The following ZNF566 variants were observed in gnomAD, a reference collection of about 807,000 sequenced individuals.
ZNF566 encodes the protein zinc finger protein 566.
Under a neutral mutation model 32.8 loss-of-function variants are expected in ZNF566, and 27 were observed. The ratio of observed to expected loss-of-function variants is 0.82; its 90% confidence interval spans 0.61 to 1.14. The LOEUF (loss-of-function observed/expected upper bound fraction) is 1.14, where lower values mean the gene tolerates loss of function less well. ZNF566 is among the 50% of genes most tolerant of loss of function. The probability of loss-of-function intolerance (pLI) is 0.00; values close to 1 mark genes in which losing one functional copy is unlikely to be tolerated. For synonymous variants in ZNF566, 154 were observed against 159.5 expected, an observed-to-expected ratio of 0.97 and a Z score of 0.26; for missense variants, 402 against 490.4, an observed-to-expected ratio of 0.82 and a Z score of 1.70.
At chr19:36,455,900 A>G (rs2912435) in intron 4 of ZNF566, among the ~76,000 whole-genome samples, 39,240 of 151,546 alleles carry the variant, frequency 0.26, 5,176 homozygotes, top group South Asian at 0.37. Context: ...TTAGCCAGGC[A>G]TGGTGGTGGG....
Position 36,489,526 on chromosome 19 carries a change from G to A in ZNF566, c.-100C>T, listed in dbSNP as rs1238900349. 1 of 349,428 alleles carries A rather than the reference G, an allele frequency of 2.9e-6. No individual in the cohort carries two copies. The highest frequency in any genetic ancestry group is 5.6e-6 in the Non-Finnish European group (1 of 177,150). The allele number at this position is 349,428 out of a possible 1,614,324, so 21.6% of individuals were successfully genotyped here. A position where few individuals can be genotyped will look rare whatever the true frequency, so the allele number is the denominator to read the frequency against. The stretch of plus-strand genomic sequence containing the variant: ...CAGAACCCTCCCCGGCACTGGGGTA[G>A]TTGCTGGTAAAGCCCTGAGGGTCCC... On this transcript the variant is annotated 5_prime_UTR_variant, in exon 1 of 5. Transcript: ENST00000452939.
At chr19:36,473,602 A>T (rs1476335856) in intron 2 of ZNF566, 144 bp from the exon 3 acceptor site, 16 of 642,726 alleles carry the variant, frequency 2.5e-5, no homozygotes, top group Non-Finnish European at 3.9e-5. Flanking sequence ...GACTGTAAAC[A>T]AATAAGCACA....
At chr19:36,468,682 G>A (rs2033687851) in intron 4 of ZNF566, among the ~76,000 whole-genome samples, 1 of 151,700 alleles carries the variant, frequency 6.6e-6, no homozygotes, top group Admixed American at 6.6e-5. Context: ...TGGAGCCTGA[G>A]TGGTGGGATC....
chr19:36,457,646 C>A (rs139926756), intron 4 of ZNF566, among the ~76,000 whole-genome samples: 1 of 152,190 alleles, frequency 6.6e-6, no homozygotes, highest in Non-Finnish European at 1.5e-5. Context: ...AATCCCAGCA[C>A]TTTGGGAGGC....
intron 1 of ZNF566, among the ~76,000 whole-genome samples, chr19:36,488,317 G>C (rs2967474): frequency 6.6e-6 from 1 of 151,882 alleles, no homozygotes; most frequent in Non-Finnish European, 1.5e-5. Flanking sequence ...CTGGTCTCCA[G>C]CTCCTGGCCT....
At chr19:36,450,442 G>C (rs2033125167) in intron 4 of ZNF566, among the ~76,000 whole-genome samples, 1 of 152,158 alleles carries the variant, frequency 6.6e-6, no homozygotes, top group Non-Finnish European at 1.5e-5. Context: ...TCAGGAGTTT[G>C]AGATCAGCCT....
In ZNF566 at chr19:36,449,720, C is replaced by G. The variant is rs117540494; in HGVS notation, c.514G>C (p.Ala172Pro). 2.5e-6 allele frequency: 4 copies of G among 1,614,050 alleles called. No individual in the cohort carries two copies. Among genetic ancestry groups the G allele is most frequent in the Non-Finnish European group, 3.4e-6 (4 of 1,180,010 alleles). Residue 172 changes from alanine to proline, a missense_variant, in exon 5 of 5, where the codon GCA becomes CCA. By Grantham distance (27) the Ala-to-Pro change is conservative. Transcript: ENST00000452939. Reference protein sequence around the residue: ...QIINSKKKFCASKEYRKTFRH... With the variant: ...QIINSKKKFCPSKEYRKTFRH... ...AAGGTTTTCCTATATTCTTTAGATG[C>G]ACAGAATTTCTTTTTACTGTTAATG... is the stretch of plus-strand genomic sequence containing the variant.
intron 1 of ZNF566, among the ~76,000 whole-genome samples, chr19:36,483,236 G>A (rs1048164037): frequency 6.6e-6 from 1 of 152,184 alleles, no homozygotes; most frequent in East Asian, 1.9e-4. Context: ...ACATATGAGT[G>A]TAAACTGGTG....
chr19:36,483,205 G>A (rs994307265), intron 1 of ZNF566, among the ~76,000 whole-genome samples: 2 of 152,202 alleles, frequency 1.3e-5, no homozygotes, highest in Non-Finnish European at 2.9e-5. Flanking sequence ...AAAATACCCT[G>A]TGGTACTGGA....
chr19:36,472,058 C>T (rs1023086051), intron 4 of ZNF566, among the ~76,000 whole-genome samples: 8 of 152,042 alleles, frequency 5.3e-5, no homozygotes. Flanking sequence ...ATGTTCTATT[C>T]ATTACTGTAA....
intron 1 of ZNF566, among the ~76,000 whole-genome samples, chr19:36,478,229 T>C (rs924975933): frequency 6.6e-6 from 1 of 152,144 alleles, no homozygotes; most frequent in Non-Finnish European, 1.5e-5. Flanking sequence ...CACGCTGATA[T>C]TATTATTATT....
chr19:36,451,321 T>C (rs1357808410), intron 4 of ZNF566, among the ~76,000 whole-genome samples: 3 of 152,186 alleles, frequency 2.0e-5, no homozygotes, highest in Admixed American at 1.3e-4. Flanking sequence ...GAGTGGTAGA[T>C]AGGACTCATT....
chr19:36,458,926 T>C (rs920938458), intron 4 of ZNF566, among the ~76,000 whole-genome samples: 2 of 152,224 alleles, frequency 1.3e-5, no homozygotes, highest in African/African-American at 4.8e-5. Flanking sequence ...CGATCTTGGC[T>C]CACTGCAACC....
intron 1 of ZNF566, among the ~76,000 whole-genome samples, chr19:36,484,376 G>A (rs1182946463): frequency 6.6e-6 from 1 of 152,050 alleles, no homozygotes; most frequent in Non-Finnish European, 1.5e-5. Flanking sequence ...GTCCTTCTCA[G>A]GCCACATTTA....
chr19:36,474,102 A>C (rs1324742235), intron 2 of ZNF566, among the ~76,000 whole-genome samples: 1 of 152,226 alleles, frequency 6.6e-6, no homozygotes, highest in Non-Finnish European at 1.5e-5. Flanking sequence ...GTTTCTTCAG[A>C]AACTTCTAGA....
At chr19:36,467,153 C>T (rs1312577319) in intron 4 of ZNF566, among the ~76,000 whole-genome samples, 1 of 151,122 alleles carries the variant, frequency 6.6e-6, no homozygotes, top group Non-Finnish European at 1.5e-5. Flanking sequence ...TAAAGAATTT[C>T]AGCTGGGCAT....
intron 1 of ZNF566, among the ~76,000 whole-genome samples, chr19:36,480,341 G>A (rs752096763): frequency 1.6e-4 from 24 of 148,346 alleles, no homozygotes; most frequent in South Asian, 8.5e-4. Flanking sequence ...CTGGAGTGCA[G>A]TGGCAAGATC....
chr19:36,458,205 T>C (rs1420601022), intron 4 of ZNF566, among the ~76,000 whole-genome samples: 1 of 151,964 alleles, frequency 6.6e-6, no homozygotes, highest in African/African-American at 2.4e-5. Context: ...ATGGATAAAT[T>C]GATAAAGAAA....
Position 36,448,793 on chromosome 19 carries a change from G to T in ZNF566, c.*184C>A. The T allele has an allele frequency of 3.9e-6, 2 of 510,330 alleles. No homozygotes were observed. The highest frequency in any genetic ancestry group is 6.6e-6 in the Non-Finnish European group (2 of 301,796). The allele number at this position is 510,330 out of a possible 1,614,324, so 31.6% of individuals were successfully genotyped here. ...CAAGAGAAGTAAGCGTTTAGTTAAG[G>T]GCTTCCAAAGTATATTCTATTCATA... On this transcript the variant is annotated 3_prime_UTR_variant, in exon 5 of 5. Coordinates refer to ENST00000452939, the MANE Select transcript of ZNF566 (RefSeq NM_001145344.1).
Sources: gnomAD v4.1 joint callset for allele counts (sites outside exome capture counted in the v4.1 genomes callset) on GRCh38, gnomAD v4.1.1 for gene constraint, MANE v1.5 for transcripts, NCBI Gene and HGNC (gene_info 2026-07-23, HGNC 2026-07-21) for gene names.